EML4: variants seen among roughly 807,000 people sequenced by gnomAD.
The protein encoded by EML4 is EMAP like 4.
Under a neutral mutation model 129.0 loss-of-function variants are expected in EML4, and 72 were observed. That is an observed-to-expected ratio of 0.56 (90% CI 0.46 to 0.68). The LOEUF (loss-of-function observed/expected upper bound fraction) is 0.68, where lower values mean the gene tolerates loss of function less well. Ranked by LOEUF, EML4 falls within the 30% of genes least tolerant of loss-of-function variation. The pLI is 0.00. For synonymous variants in EML4, 532 were observed against 405.0 expected, an observed-to-expected ratio of 1.31 and a Z score of -3.77; for missense variants, 1,363 against 1,190.6, an observed-to-expected ratio of 1.14 and a Z score of -2.13.
intron 9 of EML4, 66 bp downstream of exon 9, chr2:42,284,769 AT>A: frequency 8.7e-7 from 1 of 1,145,082 alleles, no homozygotes; most frequent in Non-Finnish European, 1.2e-6. Flanking sequence ...ATCTATTGTA[AT>A]TTTAACCACA....
chr2:42,182,648 A>G (rs938930964), intron 1 of EML4, among the ~76,000 whole-genome samples: 3 of 152,192 alleles, frequency 2.0e-5, no homozygotes, highest in African/African-American at 4.8e-5. Flanking sequence ...TTTTCCACCA[A>G]ATATCACAAA....
intron 13 of EML4, among the ~76,000 whole-genome samples, chr2:42,300,062 G>A (rs536808005): frequency 6.6e-6 from 1 of 152,324 alleles, no homozygotes; most frequent in Admixed American, 6.5e-5. Context: ...TTTTATGGCT[G>A]AGTAATATCA....
chr2:42,284,842 A>C, intron 9 of EML4, 139 bp downstream of exon 9: 1 of 533,478 alleles, frequency 1.9e-6, no homozygotes, highest in Admixed American at 4.0e-5. Flanking sequence ...AAGCATGGAA[A>C]AAACATTAGG....
Position 42,295,499 on chromosome 2 carries a change from C to G in EML4, c.1472C>G (p.Pro491Arg), listed in dbSNP as rs763920999. ...AGCAAAACTACTGTAGAGCCCACAC[C>G]TGGGAAAGGACCTAAAGGTACAGTA... ...IWSKTTVEPT[P>R]GKGPKGVYQI... Residue 491 changes from proline (P) to arginine (R), a missense_variant, in exon 13 of 23, where the codon CCT (proline) becomes CGT (arginine). Coordinates refer to ENST00000318522, the MANE Select transcript of EML4 (RefSeq NM_019063.5). 4 of 1,612,850 alleles carry G rather than the reference C, an allele frequency of 2.5e-6. No individual in the cohort carries two copies. Among genetic ancestry groups the G allele is most frequent in the Non-Finnish European group, 3.4e-6 (4 of 1,179,616 alleles).
At chr2:42,264,810 CCAGTGCACTTTAT>C in intron 6 of EML4, 79 bp downstream of exon 6, 1 of 1,389,458 alleles carries the variant, frequency 7.2e-7, no homozygotes, top group East Asian at 2.4e-5. Context: ...ATATTTTCAT[CCAGTGCACTTTAT>C]CAGTTCATAG....
At chr2:42,177,449 C>T (rs943641370) in intron 1 of EML4, among the ~76,000 whole-genome samples, 6 of 151,842 alleles carry the variant, frequency 4.0e-5, no homozygotes, top group Non-Finnish European at 7.4e-5. Flanking sequence ...GGTGAGAACC[C>T]GTCTCTACCA....
At chr2:42,269,160 T>C (rs1474005131) in intron 6 of EML4, among the ~76,000 whole-genome samples, 1 of 152,198 alleles carries the variant, frequency 6.6e-6, no homozygotes, top group African/African-American at 2.4e-5. Flanking sequence ...TGTCCAAAAA[T>C]GGCTTCAGAT....
At position 42,256,535 on chromosome 2, in the gene EML4, C is replaced by T. The variant is rs1165364794; in HGVS notation, c.243C>T (p.Ser81=). 1.2e-6 allele frequency: 2 copies of T among 1,612,814 alleles called. No individual in the cohort carries two copies. The highest frequency in any genetic ancestry group is 1.7e-5 in the Admixed American group (1 of 59,992). ...QPSPRAVIPM[S]CITNGSGANR... is the part of the protein sequence containing the mutation. ...GCCCTCGAGCAGTTATTCCCATGTC[C>T]TGTATAACCAATGGAAGTGGTGCAA... The change falls in exon 3 of 23, where the codon TCC becomes TCT. Residue 81 remains serine (S), a synonymous_variant. Coordinates refer to ENST00000318522, the MANE Select transcript of EML4 (RefSeq NM_019063.5).
chr2:42,176,858 A>G (rs1670635927), intron 1 of EML4, among the ~76,000 whole-genome samples: 1 of 152,058 alleles, frequency 6.6e-6, no homozygotes, highest in Admixed American at 6.6e-5. Context: ...CAGTGGTATG[A>G]TCTCAGCTCA....
intron 1 of EML4, among the ~76,000 whole-genome samples, chr2:42,179,051 C>T (rs1670781456): frequency 6.6e-6 from 1 of 152,110 alleles, no homozygotes; most frequent in African/African-American, 2.4e-5. Context: ...GAAACAGTAA[C>T]TCAATATGGT....
intron 1 of EML4, among the ~76,000 whole-genome samples, chr2:42,176,033 G>A (rs1393402359): frequency 6.9e-6 from 1 of 145,774 alleles, no homozygotes; most frequent in African/African-American, 2.5e-5. Context: ...AGATTTTTCT[G>A]ATGGAGTCCA....
At chr2:42,324,049 C>T (rs973414880) in intron 19 of EML4, among the ~76,000 whole-genome samples, 5 of 151,818 alleles carry the variant, frequency 3.3e-5, no homozygotes, top group African/African-American at 1.2e-4. Flanking sequence ...AATCCCAGCA[C>T]TTTGGGAGGC....
chr2:42,323,939 G>T (rs1669654217), intron 19 of EML4, among the ~76,000 whole-genome samples: 1 of 147,842 alleles, frequency 6.8e-6, no homozygotes, highest in African/African-American at 2.5e-5. Context: ...GTGAGACTCT[G>T]TCTCAATTAA....
At chr2:42,226,849 T>C (rs1208876535) in intron 1 of EML4, among the ~76,000 whole-genome samples, 1 of 152,056 alleles carries the variant, frequency 6.6e-6, no homozygotes, top group East Asian at 1.9e-4. Flanking sequence ...ACCATAAATA[T>C]ATACAACTTT....
rs185355836 is a variant in EML4, at chr2:42,221,804, G to C, written c.26-23701G>C. 3.3e-5 allele frequency among the ~76,000 whole-genome samples: 5 copies of C among 151,888 alleles called. No individual in the cohort carries two copies. The East Asian group carries it at 9.7e-4, about 29-fold the overall frequency. ...TTTTTGGTAGAGACAAGGTTTCGTC[G>C]TGTTGGCCAGGCTGGTCTCGAACTC... is the stretch of plus-strand genomic sequence containing the variant. On this transcript the variant is annotated intron_variant, in intron 1 of 22. Transcript: ENST00000318522.
intron 3 of EML4, 133 bp from the exon 4 acceptor site, chr2:42,260,988 G>T: frequency 1.6e-6 from 1 of 628,704 alleles, no homozygotes; most frequent in African/African-American, 1.8e-5. Context: ...TGTCCTTATT[G>T]AATGAAAACA....
chr2:42,251,066 A>T (rs1271601570), intron 2 of EML4, among the ~76,000 whole-genome samples: 1 of 152,106 alleles, frequency 6.6e-6, no homozygotes, highest in Non-Finnish European at 1.5e-5. Flanking sequence ...AAGTGATAGG[A>T]AGTGGTTGTA....
chr2:42,292,541 T>A (rs1230785059), intron 11 of EML4, among the ~76,000 whole-genome samples: 1 of 152,206 alleles, frequency 6.6e-6, no homozygotes, highest in Non-Finnish European at 1.5e-5. Context: ...TGTGTATAAT[T>A]CCATTTGAAT....
chr2:42,263,190 A>T lies in EML4; in HGVS notation c.525A>T (p.Pro175=). 1 of 1,612,028 alleles carries T rather than the reference A, an allele frequency of 6.2e-7. No homozygotes were observed. Among genetic ancestry groups the T allele is most frequent in the Non-Finnish European group, 8.5e-7 (1 of 1,179,350 alleles). The change falls in exon 5 of 23, where the codon CCA becomes CCT. Residue 175 remains proline, a synonymous_variant. Transcript: ENST00000318522. ...NATPTKSIKR[P]SPAEKSHNSW... ...ATGTTCCTTCTAGCATAAAACGACC[A>T]TCACCAGCTGAAAAGTCACATAATT...
Sources: gnomAD v4.1 joint callset for allele counts (sites outside exome capture counted in the v4.1 genomes callset) on GRCh38, gnomAD v4.1.1 for gene constraint, MANE v1.5 for transcripts, NCBI Gene and HGNC (gene_info 2026-07-23, HGNC 2026-07-21) for gene names.